Variants in FAM161A observed in about 807,000 individuals in gnomAD.
FAM161A encodes protein FAM161A.
A neutral mutation model predicts 70.9 loss-of-function variants in FAM161A; 57 were observed. The observed-to-expected ratio is 0.80, with a 90% CI of 0.65 to 1.00. The LOEUF (loss-of-function observed/expected upper bound fraction) is 1.00, where lower values mean the gene tolerates loss of function less well. Ranked by LOEUF, FAM161A falls within the 50% of genes least tolerant of loss-of-function variation. FAM161A has a pLI of 0.00. For synonymous variants in FAM161A, 299 were observed against 295.7 expected (o/e 1.01, Z -0.12); for missense variants, 880 against 836.0 (o/e 1.05, Z -0.65).
In FAM161A at chr2:61,839,559, T is replaced by C; in HGVS notation, c.1445A>G (p.Asn482Ser). The C allele has an allele frequency of 6.2e-7, 1 of 1,614,206 alleles. No individual in the cohort carries two copies. Among genetic ancestry groups the C allele is most frequent in the Non-Finnish European group, 8.5e-7 (1 of 1,180,034 alleles). ...ILADIEADEE[N>S]LKETRWPYLS... ...ATAAGGCCAACGTGTTTCTTTTAAATTTTCTTCATCTGCTTCGATGTCTGC... is the reference window on the plus strand; with the variant it reads ...ATAAGGCCAACGTGTTTCTTTTAAACTTTCTTCATCTGCTTCGATGTCTGC... The change falls in exon 3 of 7, where the codon AAT (asparagine) becomes AGT (serine). Residue 482 changes from asparagine to serine, a missense_variant. By Grantham distance (46) the Asn-to-Ser change is conservative. Coordinates refer to ENST00000404929, the MANE Select transcript of FAM161A (RefSeq NM_001201543.2).
chr2:61,852,597 G>A (rs900133295), intron 1 of FAM161A, among the ~76,000 whole-genome samples: 4 of 152,154 alleles, frequency 2.6e-5, no homozygotes. Context: ...TCTCCATCAC[G>A]TTGCCTTGTT....
the FAM161A span, among the ~76,000 whole-genome samples, chr2:61,814,834 C>G: frequency 6.6e-6 from 1 of 152,204 alleles, no homozygotes; most frequent in Non-Finnish European, 1.5e-5. Context: ...CCTTGCCAAC[C>G]TCTTCTCCTT....
At chr2:61,823,103 G>A (rs1268397604), downstream of FAM161A, among the ~76,000 whole-genome samples, 4 of 151,314 alleles carry the variant, frequency 2.6e-5, no homozygotes, top group Non-Finnish European at 5.9e-5. Flanking sequence ...GGGAGGCCGA[G>A]GCAGATGGAT....
chr2:61,801,570 T>C, the FAM161A span, among the ~76,000 whole-genome samples: 1 of 145,116 alleles, frequency 6.9e-6, no homozygotes, highest in South Asian at 2.1e-4. Context: ...TTTTTTTGGT[T>C]TTTTTTTTTT....
rs7563900 is a variant in FAM161A, at chr2:61,824,906, C to A, written c.*1549G>T. The stretch of plus-strand genomic sequence containing the variant: ...TACCTACCATATGTACAATACTGTT[C>A]CAAATATTAAGGGAATACAAAGATG... On this transcript the variant is annotated 3_prime_UTR_variant, in exon 7 of 7. Transcript: ENST00000404929. The A allele has an allele frequency of 4.2e-3, 1,876 of 450,042 alleles. 37 individuals carry two copies. The highest frequency in any genetic ancestry group is 0.035 in the African/African-American group (1,743 of 49,732). 27.9% of individuals were successfully genotyped at this position (450,042 alleles called of 1,614,324 possible).
intron 1 of FAM161A, among the ~76,000 whole-genome samples, chr2:61,853,476 G>A (rs969286481): frequency 4.6e-5 from 7 of 152,080 alleles, no homozygotes; most frequent in Non-Finnish European, 7.4e-5. Context: ...AGATCTTAAG[G>A]TAATAACGAA....
chr2:61,827,400 G>A (rs1244317090), intron 5 of FAM161A, 142 bp from the exon 6 acceptor site: 16 of 737,218 alleles, frequency 2.2e-5, no homozygotes, highest in Non-Finnish European at 3.3e-5. Context: ...CACGAGGTCA[G>A]GAGATCAAGA....
the FAM161A span, among the ~76,000 whole-genome samples, chr2:61,819,008 C>G: frequency 3.3e-5 from 5 of 152,292 alleles, no homozygotes; most frequent in African/African-American, 1.2e-4. Context: ...ACAAAGTACA[C>G]AAATTAGTTA....
chr2:61,819,730 T>A, the FAM161A span, among the ~76,000 whole-genome samples: 1 of 152,198 alleles, frequency 6.6e-6, no homozygotes, highest in African/African-American at 2.4e-5. Flanking sequence ...GGCATGGTTT[T>A]TAGGAACATA....
chr2:61,803,533 A>T, the FAM161A span: 1 of 495,264 alleles, frequency 2.0e-6, no homozygotes, highest in Non-Finnish European at 3.7e-6. Context: ...AAGATTAATA[A>T]GGCCGGGCGC....
At chr2:61,808,673 T>C in the FAM161A span, among the ~76,000 whole-genome samples, 1 of 152,186 alleles carries the variant, frequency 6.6e-6, no homozygotes, top group African/African-American at 2.4e-5. Flanking sequence ...ATTACTACAT[T>C]CTGGAATGCC....
At chr2:61,843,060 A>T (rs915390754) in intron 1 of FAM161A, among the ~76,000 whole-genome samples, 2 of 152,174 alleles carry the variant, frequency 1.3e-5, no homozygotes, top group African/African-American at 4.8e-5. Context: ...AAATGCTGTA[A>T]TTATTCAACA....
At chr2:61,852,604 T>C (rs1673534892) in intron 1 of FAM161A, among the ~76,000 whole-genome samples, 1 of 152,220 alleles carries the variant, frequency 6.6e-6, no homozygotes, top group Non-Finnish European at 1.5e-5. Context: ...CACGTTGCCT[T>C]GTTGCCTACT....
At chr2:61,846,951 G>A (rs1286035179) in intron 1 of FAM161A, 10 of 453,122 alleles carry the variant, frequency 2.2e-5, no homozygotes. Context: ...GTCACTTGAG[G>A]TCAGGAATCC....
intron 5 of FAM161A, among the ~76,000 whole-genome samples, chr2:61,827,565 G>A (rs986693264): frequency 1.4e-4 from 21 of 146,032 alleles, no homozygotes; most frequent in African/African-American, 2.3e-4. Flanking sequence ...AGCCGAGATC[G>A]CGCCACTGTA....
chr2:61,814,949 C>T, the FAM161A span, among the ~76,000 whole-genome samples: 827 of 152,208 alleles, frequency 5.4e-3, 4 homozygotes, highest in Non-Finnish European at 9.6e-3. Flanking sequence ...TTAGAGATGC[C>T]GGAATTTCTC....
At chr2:61,800,852 G>T in the FAM161A span, among the ~76,000 whole-genome samples, 1 of 151,966 alleles carries the variant, frequency 6.6e-6, no homozygotes, top group Non-Finnish European at 1.5e-5. Context: ...CACCAGGATG[G>T]GAGTGCAGTG....
chr2:61,834,548 C>T (rs757632966), intron 5 of FAM161A, among the ~76,000 whole-genome samples: 27 of 151,864 alleles, frequency 1.8e-4, no homozygotes, highest in Non-Finnish European at 3.2e-4. Context: ...CTACAACCTC[C>T]GCCTCCCAAG....
At chr2:61,832,163 T>C (rs1672598638) in intron 5 of FAM161A, among the ~76,000 whole-genome samples, 1 of 150,794 alleles carries the variant, frequency 6.6e-6, no homozygotes, top group African/African-American at 2.4e-5. Flanking sequence ...GAAGATTGCC[T>C]GAGCCCAAGG....
Sources: gnomAD v4.1 joint callset for allele counts (sites outside exome capture counted in the v4.1 genomes callset) on GRCh38, gnomAD v4.1.1 for gene constraint, MANE v1.5 for transcripts, NCBI Gene and HGNC (gene_info 2026-07-23, HGNC 2026-07-21) for gene names.